Variants in ERCC6 observed in about 807,000 individuals in gnomAD.
The protein encoded by ERCC6 is ERCC excision repair 6, chromatin remodeling factor.
In ERCC6, 116 loss-of-function variants were observed where a neutral mutation model predicts 158.7. That is an observed-to-expected ratio of 0.73 (90% CI 0.63 to 0.85). The LOEUF is 0.85. ERCC6 is among the 40% of genes least tolerant of loss of function. The pLI is 0.00. For synonymous variants in ERCC6, 678 were observed against 659.3 expected, an observed-to-expected ratio of 1.03 and a Z score of -0.43; for missense variants, 1,698 against 1,799.4, an observed-to-expected ratio of 0.94 and a Z score of 1.02.
In ERCC6 at chr10:49,538,396, T is replaced by G. The variant is rs184047796; in HGVS notation, c.-15+566A>C. On this transcript the variant is annotated intron_variant, in intron 1 of 20. Coordinates refer to ENST00000355832, the MANE Select transcript of ERCC6 (RefSeq NM_000124.4). ...GACCTACTTTATGCCAGAGACCACCTGGACAACTGTGCGGATAATGGATTG... is the reference window on the plus strand; with the variant it reads ...GACCTACTTTATGCCAGAGACCACCGGGACAACTGTGCGGATAATGGATTG... Among the ~76,000 whole-genome samples, 240 of 152,358 alleles carry G rather than the reference T, an allele frequency of 1.6e-3. 1 individual carries two copies. Among genetic ancestry groups the G allele is most frequent in the African/African-American group, 5.2e-3 (217 of 41,580 alleles).
chr10:49,450,435 T>C (rs1236444343), downstream of ERCC6, among the ~76,000 whole-genome samples: 3 of 152,246 alleles, frequency 2.0e-5, no homozygotes, highest in Admixed American at 2.0e-4. Flanking sequence ...TGAAGAAATG[T>C]GGGTTTTTCT....
At chr10:49,471,349 C>T (rs1262564832) in intron 16 of ERCC6, among the ~76,000 whole-genome samples, 2 of 152,064 alleles carry the variant, frequency 1.3e-5, no homozygotes, top group Non-Finnish European at 2.9e-5. Context: ...TTATTTACAC[C>T]GAATGAGCTT....
intron 11 of ERCC6, 34 bp from the exon 12 acceptor site, chr10:49,476,344 CAA>C: frequency 1.5e-6 from 2 of 1,335,844 alleles, no homozygotes; most frequent in African/African-American, 1.5e-5. Flanking sequence ...ACTATAATTT[CAA>C]AAAAAAAATT....
At chr10:49,487,240 T>C (rs564318678) in intron 8 of ERCC6, among the ~76,000 whole-genome samples, 8 of 151,994 alleles carry the variant, frequency 5.3e-5, no homozygotes, top group Non-Finnish European at 1.2e-4. Context: ...ATTCAAAGAG[T>C]TAATACAATT....
chr10:49,436,562 T>C, the ERCC6 span, among the ~76,000 whole-genome samples: 3 of 152,190 alleles, frequency 2.0e-5, no homozygotes, highest in African/African-American at 4.8e-5. Context: ...CTGAAACCAT[T>C]AGACATAAAG....
intron 12 of ERCC6, chr10:49,475,542 T>C (rs1200608223): frequency 5.4e-6 from 2 of 368,808 alleles, no homozygotes; most frequent in African/African-American, 2.1e-5. Flanking sequence ...TGAGAGATGG[T>C]TAAAAGAACT....
At chr10:49,537,397 A>G (rs1195578743) in intron 1 of ERCC6, among the ~76,000 whole-genome samples, 1 of 151,680 alleles carries the variant, frequency 6.6e-6, no homozygotes, top group African/African-American at 2.4e-5. Context: ...ATAGTTACTG[A>G]GAGTTAATTA....
Position 49,504,170 on chromosome 10 carries a change from G to C in ERCC6, c.1526+1714C>G, listed in dbSNP as rs1851404046. The C allele has an allele frequency of 2.0e-5, 3 of 149,502 alleles. No individual in the cohort carries two copies. The South Asian group carries it at 6.6e-4, about 33-fold the overall frequency. The allele number at this position is 149,502 out of a possible 1,614,324, so 9.3% of individuals were successfully genotyped here. A position where few individuals can be genotyped will look rare whatever the true frequency, so the allele number is the denominator to read the frequency against. ...ATATCTACAGTTTAAAATTAAATTGGCCCCGCTAAAACGCAATCATAAAAG... is the reference window on the plus strand; with the variant it reads ...ATATCTACAGTTTAAAATTAAATTGCCCCCGCTAAAACGCAATCATAAAAG... On this transcript the variant is annotated intron_variant, in intron 6 of 20. Coordinates refer to ENST00000355832, the MANE Select transcript of ERCC6 (RefSeq NM_000124.4).
intron 6 of ERCC6, chr10:49,502,071 CA>C (rs1851365113): frequency 6.6e-6 from 1 of 151,998 alleles, no homozygotes; most frequent in Non-Finnish European, 1.5e-5. Flanking sequence ...TTTTGCTGTC[CA>C]AATACTTACT....
chr10:49,500,612 G>A lies in ERCC6; in HGVS notation c.1611C>T (p.Gly537=). 2 of 1,613,984 alleles carry A rather than the reference G, an allele frequency of 1.2e-6. No individual in the cohort carries two copies. Among genetic ancestry groups the A allele is most frequent in the Non-Finnish European group, 1.7e-6 (2 of 1,179,904 alleles). The change falls in exon 7 of 21, where the codon GGC becomes GGT. Residue 537 remains glycine, a synonymous_variant. Transcript: ENST00000355832. The part of the protein sequence containing the change: ...GGILGDEMGL[G]KTIQIIAFLA... ...AGAAGGCAATTATCTGGATGGTCTT[G>A]CCCAATCCCATTTCATCTCCCAGAA...
intron 13 of ERCC6, 119 bp from the exon 14 acceptor site, chr10:49,473,706 G>C (rs1850823829): frequency 1.3e-6 from 1 of 769,026 alleles, no homozygotes; most frequent in South Asian, 1.4e-5. Flanking sequence ...GGAGTTTCTT[G>C]CTTTAGGACA....
intron 11 of ERCC6, among the ~76,000 whole-genome samples, chr10:49,476,797 C>T (rs4253186): frequency 6.6e-6 from 1 of 152,124 alleles, no homozygotes; most frequent in Admixed American, 6.5e-5. Flanking sequence ...CCACTCCATG[C>T]GATCGTGCTC....
Position 49,524,339 on chromosome 10 carries a change from T to C in ERCC6, c.1091A>G (p.Glu364Gly). The C allele has an allele frequency of 6.2e-7, 1 of 1,614,190 alleles. No individual in the cohort carries two copies. The highest frequency in any genetic ancestry group is 2.2e-5 in the East Asian group (1 of 44,884). The change falls in exon 5 of 21, where the codon GAG (glutamate) becomes GGG (glycine). Residue 364 changes from glutamate to glycine, a missense_variant. By Grantham distance (98) the Glu-to-Gly change is moderately conservative. Transcript: ENST00000355832. The part of the protein sequence containing the change: ...PWESDMRPEA[E>G]GDSEGEESEY... ...AGACTCTTCACCCTCAGAGTCTCCC[T>C]CTGCCTCTGGCCTCATGTCTGACTC...
chr10:49,497,671 G>C lies in ERCC6; in HGVS notation c.1685+2867C>G, dbSNP rs541266472. On this transcript the variant is annotated intron_variant, in intron 7 of 20. Transcript: ENST00000355832. ...TCCATTAACAGTCACATCGTCAACT[G>C]AACCACCCTTTCCTAACTCTTAATA... Among the ~76,000 whole-genome samples the C allele has an allele frequency of 1.6e-4, 25 of 152,280 alleles. No individual in the cohort carries two copies. The South Asian group carries it at 4.6e-3, about 28-fold the overall frequency.
chr10:49,486,810 T>C (rs1241662200), intron 8 of ERCC6, among the ~76,000 whole-genome samples: 2 of 152,254 alleles, frequency 1.3e-5, no homozygotes, highest in Non-Finnish European at 2.9e-5. Flanking sequence ...TAGATCCTAT[T>C]ACTGAAATTG....
At chr10:49,438,123 C>T in the ERCC6 span, among the ~76,000 whole-genome samples, 1 of 152,206 alleles carries the variant, frequency 6.6e-6, no homozygotes, top group Non-Finnish European at 1.5e-5. Flanking sequence ...AACCACACTG[C>T]AGATCCAGTG....
chr10:49,525,396 G>A (rs1225060565), intron 4 of ERCC6, among the ~76,000 whole-genome samples: 1 of 152,084 alleles, frequency 6.6e-6, no homozygotes, highest in Non-Finnish European at 1.5e-5. Context: ...CTACTATAAT[G>A]GGCAACACAG....
chr10:49,500,913 T>C, intron 6 of ERCC6: 1 of 565,248 alleles, frequency 1.8e-6, no homozygotes, highest in Non-Finnish European at 3.2e-6. Flanking sequence ...TACAAAACAT[T>C]AACACATTTC....
At chr10:49,500,038 G>C (rs934167464) in intron 7 of ERCC6, among the ~76,000 whole-genome samples, 1 of 152,124 alleles carries the variant, frequency 6.6e-6, no homozygotes. Flanking sequence ...TCATTATAAA[G>C]GAAATTAGGG....
Sources: allele counts gnomAD v4.1 joint callset (sites outside exome capture counted in the v4.1 genomes callset), GRCh38; gene constraint gnomAD v4.1.1; transcripts MANE v1.5; gene names NCBI Gene and HGNC (gene_info 2026-07-23, HGNC 2026-07-21).